Variants in NEDD1 observed in about 807,000 individuals in gnomAD.
The protein encoded by NEDD1 is protein NEDD1.
Under a neutral mutation model 74.0 loss-of-function variants are expected in NEDD1, and 33 were observed. That is an observed-to-expected ratio of 0.45 (90% CI 0.34 to 0.60). The LOEUF is 0.60. NEDD1 is among the 20% of genes least tolerant of loss of function. The pLI, the probability that NEDD1 is intolerant of heterozygous loss-of-function variation, is 0.01. For missense variants in NEDD1, 746 were observed against 776.5 expected (o/e 0.96, Z 0.47); for synonymous variants, 250 against 264.4 (o/e 0.95, Z 0.53).
intron 14 of NEDD1, 27 bp from the exon 15 acceptor site, chr12:96,951,405 C>T (rs768165247): frequency 1.4e-6 from 2 of 1,381,670 alleles, no homozygotes; most frequent in Non-Finnish European, 2.0e-6. Flanking sequence ...TATTGTAATT[C>T]TAAAAAGTAT....
chr12:96,910,860 T>C (rs1873848892), intron 3 of NEDD1, among the ~76,000 whole-genome samples: 1 of 152,264 alleles, frequency 6.6e-6, no homozygotes, highest in South Asian at 2.1e-4. Context: ...TTAACATTTA[T>C]CTGATTTTTA....
intron 4 of NEDD1, 49 bp downstream of exon 4, chr12:96,912,866 T>G: frequency 1.1e-6 from 1 of 906,636 alleles, no homozygotes; most frequent in Middle Eastern, 2.2e-4. Context: ...TAGTTTTGCT[T>G]GACTGGCAAT....
Position 96,952,024 on chromosome 12 carries a change from G to GA in NEDD1, c.1958dup (p.Asn653LysfsTer13). ...GGCTGAAATTGAAAGACTACGAGAA[G>GA]AAAACAAAAGATTACGGGCCCACTT... is the stretch of plus-strand genomic sequence containing the variant. On this transcript the variant is annotated frameshift_variant, in exon 16 of 16. Transcript: ENST00000266742. LOFTEE classifies it high-confidence loss of function. 6.2e-7 allele frequency: 1 copy of GA among 1,602,664 alleles called. No homozygotes were observed. The highest frequency in any genetic ancestry group is 8.5e-7 in the Non-Finnish European group (1 of 1,171,248).
At chr12:96,923,121 G>GA (rs74829808) in intron 6 of NEDD1, among the ~76,000 whole-genome samples, 9 of 146,260 alleles carry the variant, frequency 6.2e-5, no homozygotes, top group Non-Finnish European at 1.1e-4. Flanking sequence ...TGTCTCAAAA[G>GA]AAAAAAAAAA....
intron 6 of NEDD1, among the ~76,000 whole-genome samples, chr12:96,934,105 A>C (rs907258863): frequency 2.0e-5 from 3 of 152,148 alleles, no homozygotes; most frequent in African/African-American, 4.8e-5. Context: ...TTTTTTTTTA[A>C]ATTATGCTTC....
At chr12:96,936,899 ATAGTT>A (rs1877161389) in intron 8 of NEDD1, 87 bp downstream of exon 8, 1 of 781,362 alleles carries the variant, frequency 1.3e-6, no homozygotes, top group Non-Finnish European at 2.0e-6. Context: ...ATTAAACAGT[ATAGTT>A]TTGTTTCATA....
In NEDD1 at chr12:96,937,385, A is replaced by G; in HGVS notation, c.1109A>G (p.Glu370Gly). Residue 370 changes from glutamate to glycine, a missense_variant, in exon 9 of 16, where the codon GAA becomes GGA. Physicochemically the swap from Glu to Gly is moderately conservative, Grantham distance 98. Around this residue, in one of 3 missense-constraint regions of NEDD1, gnomAD observed 706 missense variants for 706.7 expected, o/e 1.00. Transcript: ENST00000266742. ...GGGAAAGGAACAGTTGCTGTTCAAG[A>G]AAAAGCAGGTAAATGTTGCTTATAT... ...AMGKGTVAVQ[E>G]KAGLPRSINT... 1 of 1,578,510 alleles carries G rather than the reference A, an allele frequency of 6.3e-7. No homozygotes were observed. Among genetic ancestry groups the G allele is most frequent in the African/African-American group, 1.4e-5 (1 of 72,952 alleles).
At chr12:96,947,561 A>G (rs141961331) in intron 14 of NEDD1, among the ~76,000 whole-genome samples, 83 of 152,210 alleles carry the variant, frequency 5.5e-4, no homozygotes, top group African/African-American at 1.8e-3. Context: ...TCTATTTATT[A>G]CCCATTTATT....
At chr12:96,937,585 T>C (rs151155751) in intron 9 of NEDD1, among the ~76,000 whole-genome samples, 192 bp downstream of exon 9, 3 of 152,242 alleles carry the variant, frequency 2.0e-5, no homozygotes, top group African/African-American at 7.2e-5. Context: ...ATTTCAAAAA[T>C]GATAAAAGGC....
chr12:96,946,714 G>A (rs961490662), intron 14 of NEDD1, among the ~76,000 whole-genome samples: 2 of 152,172 alleles, frequency 1.3e-5, no homozygotes, highest in African/African-American at 4.8e-5. Flanking sequence ...TCTGCCATGT[G>A]TGTTTCTCTT....
intron 9 of NEDD1, among the ~76,000 whole-genome samples, chr12:96,939,381 A>G (rs1565807805): frequency 6.6e-6 from 1 of 152,078 alleles, no homozygotes; most frequent in Non-Finnish European, 1.5e-5. Context: ...CTTTGTAACA[A>G]CTGAACTCTT....
chr12:96,907,963 C>A, intron 2 of NEDD1, 107 bp downstream of exon 2: 1 of 1,023,198 alleles, frequency 9.8e-7, no homozygotes, highest in Non-Finnish European at 1.3e-6. Context: ...TCGTTTGAAC[C>A]CAGTTTTTCT....
chr12:96,921,264 C>T (rs1024968423), intron 6 of NEDD1, among the ~76,000 whole-genome samples: 1 of 152,190 alleles, frequency 6.6e-6, no homozygotes, highest in African/African-American at 2.4e-5. Flanking sequence ...TCACTGCAAC[C>T]ACTGTCTCCC....
chr12:96,912,259 CTT>C (rs879363212), intron 3 of NEDD1, among the ~76,000 whole-genome samples: 2 of 142,774 alleles, frequency 1.4e-5, no homozygotes. Flanking sequence ...AATATCAGGC[CTT>C]TTTTTTTTTT....
chr12:96,923,731 C>T (rs1875362130), intron 6 of NEDD1, among the ~76,000 whole-genome samples: 1 of 150,276 alleles, frequency 6.7e-6, no homozygotes, highest in African/African-American at 2.4e-5. Context: ...TGGGGATATG[C>T]ATGTTGCAAA....
intron 14 of NEDD1, 40 bp downstream of exon 14, chr12:96,945,889 T>G: frequency 7.4e-7 from 1 of 1,349,612 alleles, no homozygotes; most frequent in South Asian, 1.3e-5. Flanking sequence ...TAGACCTTAC[T>G]TGTTTTTTTT....
Position 96,944,793 on chromosome 12 carries a change from CAAGT to C in NEDD1, c.1654+4_1654+7del. The C allele has an allele frequency of 6.5e-7, 1 of 1,540,978 alleles. No individual in the cohort carries two copies. The highest frequency in any genetic ancestry group is 8.7e-7 in the Non-Finnish European group (1 of 1,149,704). The stretch of plus-strand genomic sequence containing the variant: ...CCCCCAATCAATGGATCCTCAACTC[CAAGT>C]AAGTACATGAAACTTCCTGATGTTT... On this transcript the variant is annotated splice_donor_variant and coding_sequence_variant, in exon 13 of 16. Coordinates refer to ENST00000266742, the MANE Select transcript of NEDD1 (RefSeq NM_152905.4). LOFTEE classifies it high-confidence loss of function.
chr12:96,940,334 A>G, intron 9 of NEDD1, 75 bp from the exon 10 acceptor site: 1 of 845,544 alleles, frequency 1.2e-6, no homozygotes, highest in African/African-American at 1.7e-5. Context: ...GTGATACATT[A>G]ATTTTTACAA....
At chr12:96,939,445 A>T (rs1014481704) in intron 9 of NEDD1, among the ~76,000 whole-genome samples, 1 of 152,082 alleles carries the variant, frequency 6.6e-6, no homozygotes, top group African/African-American at 2.4e-5. Context: ...TTTTAACTTT[A>T]TAGCAGGTGT....
Sources: allele counts gnomAD v4.1 joint callset (sites outside exome capture counted in the v4.1 genomes callset), GRCh38; gene constraint gnomAD v4.1.1; regional missense constraint gnomAD v4.1.1; transcripts MANE v1.5; gene names NCBI Gene and HGNC (gene_info 2026-07-23, HGNC 2026-07-21).